SEMA3A: variants seen among roughly 807,000 people sequenced by gnomAD.
The protein encoded by SEMA3A is semaphorin-3A.
Under a neutral mutation model 97.9 loss-of-function variants are expected in SEMA3A, and 29 were observed. That is an observed-to-expected ratio of 0.30 (90% CI 0.22 to 0.40). The LOEUF is 0.40. SEMA3A is among the 10% of genes least tolerant of loss of function. The pLI is 1.00. For synonymous variants in SEMA3A, 321 were observed against 323.7 expected (o/e 0.99, Z 0.09); for missense variants, 763 against 951.3 (o/e 0.80, Z 2.60).
intron 1 of SEMA3A, among the ~76,000 whole-genome samples, chr7:84,390,932 C>T (rs1803553056): frequency 6.6e-6 from 1 of 152,010 alleles, no homozygotes; most frequent in South Asian, 2.1e-4. Context: ...AAAGTTAGAC[C>T]CGAAATGGTC....
At chr7:84,367,554 T>C (rs978826622) in intron 2 of SEMA3A, among the ~76,000 whole-genome samples, 2 of 150,834 alleles carry the variant, frequency 1.3e-5, no homozygotes, top group South Asian at 4.1e-4. Context: ...TGATCTAGTA[T>C]AGCTCCACAC....
intron 2 of SEMA3A, among the ~76,000 whole-genome samples, chr7:84,358,125 A>G (rs879396251): frequency 1.8e-4 from 27 of 152,168 alleles, no homozygotes; most frequent in Non-Finnish European, 3.2e-4. Flanking sequence ...TGCTATGCAG[A>G]AGCTCTTTAG....
At chr7:84,203,502 G>GTATATATATATA (rs1178194583) in intron 3 of SEMA3A, among the ~76,000 whole-genome samples, 12 of 56,996 alleles carry the variant, frequency 2.1e-4, no homozygotes, top group African/African-American at 2.8e-4. Context: ...TTGTGTGTGT[G>GTATATATATATA]TATATATATA....
At chr7:83,984,779 T>A (rs972891979) in intron 13 of SEMA3A, among the ~76,000 whole-genome samples, 3 of 151,964 alleles carry the variant, frequency 2.0e-5, no homozygotes, top group Non-Finnish European at 4.4e-5. Flanking sequence ...AAGCATCCAT[T>A]TGATATGAAT....
chr7:83,959,007 T>C lies in SEMA3A; in HGVS notation c.*2364A>G, dbSNP rs1038463685. The C allele has an allele frequency of 6.6e-6, 1 of 152,052 alleles. No individual in the cohort carries two copies. Among genetic ancestry groups the C allele is most frequent in the Non-Finnish European group, 1.5e-5 (1 of 67,938 alleles). 9.4% of individuals were successfully genotyped at this position (152,052 alleles called of 1,614,324 possible). A position where few individuals can be genotyped will look rare whatever the true frequency, so the allele number is the denominator to read the frequency against. ...AATACACATGGGCAGAGATTATGACTGTAATGAGTTATCTGCAAGTTATAT... is the reference window on the plus strand; with the variant it reads ...AATACACATGGGCAGAGATTATGACCGTAATGAGTTATCTGCAAGTTATAT... On this transcript the variant is annotated 3_prime_UTR_variant, in exon 17 of 17. Coordinates refer to ENST00000265362, the MANE Select transcript of SEMA3A (RefSeq NM_006080.3).
intron 9 of SEMA3A, among the ~76,000 whole-genome samples, chr7:84,010,511 A>C (rs1790837065): frequency 6.6e-6 from 1 of 152,138 alleles, no homozygotes; most frequent in Non-Finnish European, 1.5e-5. Context: ...CCAGATTCCC[A>C]TGCTAATCAT....
At chr7:84,366,296 G>A (rs2158169) in intron 2 of SEMA3A, among the ~76,000 whole-genome samples, 43,025 of 150,884 alleles carry the variant, frequency 0.29, 6,617 homozygotes, top group African/African-American at 0.38. Flanking sequence ...ACCTGAAGTA[G>A]GCCCACGAAA....
At position 84,269,909 on chromosome 7, in the gene SEMA3A, C is replaced by T. The variant is rs112725294; in HGVS notation, c.-83+37298G>A. Among the ~76,000 whole-genome samples, 6 of 152,110 alleles carry T rather than the reference C, an allele frequency of 3.9e-5. 1 individual carries two copies. The highest frequency in any genetic ancestry group is 1.4e-4 in the African/African-American group (6 of 41,524). On this transcript the variant is annotated intron_variant, in intron 3 of 3. Transcript: ENST00000424555. ...ATCATTTTAGAACAAAAAGTAATTA[C>T]TTAAAAGAAGCTTAATTTAACTTCT...
At chr7:84,285,722 G>T (rs970735155) in intron 3 of SEMA3A, among the ~76,000 whole-genome samples, 2 of 151,774 alleles carry the variant, frequency 1.3e-5, no homozygotes, top group African/African-American at 4.9e-5. Flanking sequence ...CTAAGTGGGT[G>T]GATCAGTTGA....
At chr7:84,304,663 A>G (rs1801108097) in intron 3 of SEMA3A, among the ~76,000 whole-genome samples, 1 of 152,100 alleles carries the variant, frequency 6.6e-6, no homozygotes, top group Non-Finnish European at 1.5e-5. Context: ...ATTTTCTCAA[A>G]GTCAAATATA....
At chr7:84,248,066 A>C (rs1314904810) in intron 3 of SEMA3A, among the ~76,000 whole-genome samples, 1 of 152,202 alleles carries the variant, frequency 6.6e-6, no homozygotes, top group Non-Finnish European at 1.5e-5. Context: ...CGATAAATAA[A>C]TGCATACATA....
chr7:83,991,988 C>G (rs1422945033), intron 12 of SEMA3A, among the ~76,000 whole-genome samples: 1 of 144,438 alleles, frequency 6.9e-6, no homozygotes, highest in Non-Finnish European at 1.5e-5. Flanking sequence ...ATTATTGCCA[C>G]AATTTCAGAT....
At chr7:84,222,685 A>G (rs938132647) in intron 3 of SEMA3A, among the ~76,000 whole-genome samples, 15 of 151,884 alleles carry the variant, frequency 9.9e-5, no homozygotes, top group African/African-American at 2.7e-4. Context: ...TTTAATTGCA[A>G]TAAACTTGGT....
intron 2 of SEMA3A, among the ~76,000 whole-genome samples, chr7:84,129,662 A>G (rs576036150): frequency 1.3e-5 from 2 of 152,138 alleles, no homozygotes; most frequent in East Asian, 3.9e-4. Context: ...TTTTAGAATA[A>G]GTAACTGAAA....
intron 3 of SEMA3A, among the ~76,000 whole-genome samples, chr7:84,228,080 G>A (rs1443054756): frequency 6.6e-6 from 1 of 151,956 alleles, no homozygotes; most frequent in Non-Finnish European, 1.5e-5. Context: ...ATATGGGTTG[G>A]GTTGGCTGGG....
chr7:84,327,425 A>G (rs1378194052), intron 2 of SEMA3A, among the ~76,000 whole-genome samples: 3 of 151,814 alleles, frequency 2.0e-5, no homozygotes, highest in Non-Finnish European at 2.9e-5. Context: ...AGTGGGAGAA[A>G]GAAAAGCAGG....
At chr7:84,039,300 G>A (rs991580860) in intron 6 of SEMA3A, among the ~76,000 whole-genome samples, 8 of 152,114 alleles carry the variant, frequency 5.3e-5, no homozygotes, top group East Asian at 1.9e-4. Flanking sequence ...CCAAAGTCAC[G>A]TAAGTAATAA....
intron 12 of SEMA3A, among the ~76,000 whole-genome samples, chr7:83,987,261 A>G (rs1789674560): frequency 6.6e-6 from 1 of 151,920 alleles, no homozygotes; most frequent in South Asian, 2.1e-4. Context: ...AGAAGGTGGA[A>G]AAAAATCAAT....
chr7:84,254,310 G>C (rs2214504), intron 3 of SEMA3A, among the ~76,000 whole-genome samples: 1 of 152,180 alleles, frequency 6.6e-6, no homozygotes, highest in Non-Finnish European at 1.5e-5. Context: ...ATTTCCTTAA[G>C]ATAGCTGTTA....
Sources: allele counts gnomAD v4.1 joint callset (sites outside exome capture counted in the v4.1 genomes callset), GRCh38; gene constraint gnomAD v4.1.1; transcripts MANE v1.5; gene names NCBI Gene and HGNC (gene_info 2026-07-23, HGNC 2026-07-21).